Variants in PPP2R3A observed in about 807,000 individuals in gnomAD.
PPP2R3A encodes serine/threonine-protein phosphatase 2A regulatory subunit B'' subunit alpha.
Under a neutral mutation model 106.9 loss-of-function variants are expected in PPP2R3A, and 80 were observed. The ratio of observed to expected loss-of-function variants is 0.75; its 90% confidence interval spans 0.62 to 0.90. The LOEUF (loss-of-function observed/expected upper bound fraction) is 0.90. Ranked by LOEUF, PPP2R3A falls within the 40% of genes least tolerant of loss-of-function variation. PPP2R3A has a pLI of 0.00. For missense variants in PPP2R3A, 1,386 were observed against 1,350.4 expected, an observed-to-expected ratio of 1.03 and a Z score of -0.41; for synonymous variants, 483 against 468.3, an observed-to-expected ratio of 1.03 and a Z score of -0.41.
rs1457130602 is a variant in PPP2R3A, at chr3:136,001,599, C to A, written c.101C>A (p.Thr34Asn). The A allele has an allele frequency of 3.7e-6, 6 of 1,614,042 alleles. No individual in the cohort carries two copies. The highest frequency in any genetic ancestry group is 2.2e-5 in the East Asian group (1 of 44,900). The change falls in exon 2 of 14, where the codon ACC (threonine) becomes AAC (asparagine). Residue 34 changes from threonine to asparagine, a missense_variant. Thr to Asn is a moderately conservative substitution (Grantham distance 65). Transcript: ENST00000264977. ...CAAGCTATACATTATTGCACTGGAA[C>A]CTGCCACACCTTCACACATGGAATT... ...FEQAIHYCTG[T>N]CHTFTHGIDC... is the part of the protein sequence containing the mutation.
chr3:136,023,309 C>G lies in PPP2R3A; in HGVS notation c.1996-3523C>G, dbSNP rs868077608. ...CTAACTCACAAGTAATTTTACAGCTCCCTTGTATCTTGATATTAGATCAAG... is the reference window on the plus strand; with the variant it reads ...CTAACTCACAAGTAATTTTACAGCTGCCTTGTATCTTGATATTAGATCAAG... On this transcript the variant is annotated intron_variant, in intron 2 of 13. Transcript: ENST00000264977. 4.4e-6 allele frequency: 4 copies of G among 904,350 alleles called. No individual in the cohort carries two copies. In the African/African-American group the frequency reaches 6.8e-5, roughly 15 times the overall value. 56.0% of individuals were successfully genotyped at this position (904,350 alleles called of 1,614,324 possible). A position where few individuals can be genotyped will look rare whatever the true frequency, so the allele number is the denominator to read the frequency against.
At position 136,145,033 on chromosome 3, in the gene PPP2R3A, G is replaced by GTTAT; in HGVS notation, c.3330-7_3330-4dup. ...CAATCAGTTAATTCACTTTTGCTTT[G>GTTAT]TTATTTCAGCTTTGAAGATTATGAA... On this transcript the variant is annotated splice_polypyrimidine_tract_variant and intron_variant, in intron 13 of 13. Transcript: ENST00000264977. 6.3e-7 allele frequency: 1 copy of GTTAT among 1,584,016 alleles called. No homozygotes were observed. The highest frequency in any genetic ancestry group is 1.1e-5 in the South Asian group (1 of 87,402).
At chr3:136,082,911 G>C (rs866273802) in intron 8 of PPP2R3A, among the ~76,000 whole-genome samples, 3 of 152,166 alleles carry the variant, frequency 2.0e-5, no homozygotes, top group Non-Finnish European at 4.4e-5. Context: ...TGAATTTTGC[G>C]TGCTTTCTTT....
At position 136,083,204 on chromosome 3, in the gene PPP2R3A, A is replaced by T. The variant is rs1302745487; in HGVS notation, c.2788+783A>T. ...AATTTTTTTGTATTTTTTTGTAAAG[A>T]TGGTGGTATGGTTTGGCTATGTTCC... On this transcript the variant is annotated intron_variant, in intron 8 of 13. Transcript: ENST00000264977. Among the ~76,000 whole-genome samples, 5 of 152,000 alleles carry T rather than the reference A, an allele frequency of 3.3e-5. No homozygotes were observed. The East Asian group carries it at 9.6e-4, about 29-fold the overall frequency.
At chr3:136,042,017 T>C (rs1935305316) in intron 4 of PPP2R3A, among the ~76,000 whole-genome samples, 1 of 152,194 alleles carries the variant, frequency 6.6e-6, no homozygotes, top group African/African-American at 2.4e-5. Context: ...TCCTTCCTGG[T>C]AAACTATTGG....
chr3:136,094,108 A>T (rs1937160741), intron 10 of PPP2R3A, among the ~76,000 whole-genome samples: 1 of 152,244 alleles, frequency 6.6e-6, no homozygotes, highest in Non-Finnish European at 1.5e-5. Flanking sequence ...AAAAGATGCC[A>T]GTCACAAGAC....
intron 1 of PPP2R3A, among the ~76,000 whole-genome samples, chr3:135,985,396 CTCCCTCT>C (rs1334441510): frequency 1.3e-5 from 2 of 150,164 alleles, no homozygotes; most frequent in African/African-American, 4.9e-5. Context: ...CTCTCCCTCT[CTCCCTCT>C]CTCTCTCGCT....
chr3:136,117,533 A>G (rs565341432), intron 13 of PPP2R3A, among the ~76,000 whole-genome samples: 1 of 152,222 alleles, frequency 6.6e-6, no homozygotes, highest in East Asian at 1.9e-4. Context: ...GCAATAAAAA[A>G]TGATAAAGGG....
chr3:136,022,937 T>G (rs2107816588), intron 2 of PPP2R3A: 1 of 1,490,868 alleles, frequency 6.7e-7, no homozygotes, highest in South Asian at 1.3e-5. Context: ...GAGAGCACAA[T>G]GCTTGAATTT....
In PPP2R3A at chr3:136,139,280, C is replaced by T. The variant is rs374223239; in HGVS notation, c.3330-5763C>T. On this transcript the variant is annotated intron_variant, in intron 13 of 13. Coordinates refer to ENST00000264977, the MANE Select transcript of PPP2R3A (RefSeq NM_002718.5). ...CAGAGCCCGCCTTAATGCTTTTGCC[C>T]AGAAACTGCTCATCTGAAAGGGAAG... is the stretch of plus-strand genomic sequence containing the variant. Among the ~76,000 whole-genome samples the T allele has an allele frequency of 9.1e-4, 138 of 152,282 alleles. 1 individual carries two copies. The highest frequency in any genetic ancestry group is 3.1e-3 in the East Asian group (16 of 5,190).
chr3:136,007,448 C>T (rs1010414135), intron 2 of PPP2R3A, among the ~76,000 whole-genome samples: 9 of 152,142 alleles, frequency 5.9e-5, no homozygotes, highest in African/African-American at 2.2e-4. Flanking sequence ...AGTGCCTCAG[C>T]AAGACTCAAG....
At chr3:136,017,486 CA>C (rs1321103601) in intron 2 of PPP2R3A, among the ~76,000 whole-genome samples, 1 of 152,128 alleles carries the variant, frequency 6.6e-6, no homozygotes, top group Non-Finnish European at 1.5e-5. Context: ...GGGTTGTTTC[CA>C]CTTTTTGGCA....
intron 6 of PPP2R3A, among the ~76,000 whole-genome samples, chr3:136,077,313 A>G (rs1278265723): frequency 6.6e-6 from 1 of 152,206 alleles, no homozygotes; most frequent in African/African-American, 2.4e-5. Context: ...TGAAGAATCC[A>G]GAAAAGAAAG....
At chr3:136,138,208 C>G (rs895974317) in intron 13 of PPP2R3A, among the ~76,000 whole-genome samples, 2 of 152,070 alleles carry the variant, frequency 1.3e-5, no homozygotes, top group African/African-American at 4.8e-5. Flanking sequence ...TTGAACGAAC[C>G]ATATCAAAGC....
intron 1 of PPP2R3A, among the ~76,000 whole-genome samples, chr3:135,967,951 A>G (rs186576641): frequency 6.6e-6 from 1 of 152,310 alleles, no homozygotes; most frequent in African/African-American, 2.4e-5. Flanking sequence ...CACTCCACAC[A>G]CACAGTTGTG....
intron 1 of PPP2R3A, among the ~76,000 whole-genome samples, chr3:135,972,783 T>A (rs919074502): frequency 5.9e-5 from 9 of 152,218 alleles, no homozygotes; most frequent in African/African-American, 9.6e-5. Context: ...CTTTTATCAA[T>A]TTTTTAATTG....
In PPP2R3A at chr3:136,024,126, A is replaced by G. The variant is rs529921041; in HGVS notation, c.1996-2706A>G. ...AATGATACTGTGTTTATAGGGAAAGACAAATGGAGAATTGAAGTATTTTAC... is the reference window on the plus strand; with the variant it reads ...AATGATACTGTGTTTATAGGGAAAGGCAAATGGAGAATTGAAGTATTTTAC... On this transcript the variant is annotated intron_variant, in intron 2 of 13. Transcript: ENST00000264977. Among the ~76,000 whole-genome samples, 7 of 152,226 alleles carry G rather than the reference A, an allele frequency of 4.6e-5. No homozygotes were observed. In the East Asian group the frequency reaches 1.3e-3, roughly 29 times the overall value.
intron 1 of PPP2R3A, among the ~76,000 whole-genome samples, chr3:135,980,622 A>C (rs1412140367): frequency 6.6e-6 from 1 of 151,856 alleles, no homozygotes; most frequent in African/African-American, 2.4e-5. Context: ...TGGAACTTTA[A>C]GTATATAACC....
chr3:136,033,151 T>C (rs1023536456), intron 3 of PPP2R3A, among the ~76,000 whole-genome samples: 8 of 152,250 alleles, frequency 5.3e-5, no homozygotes, highest in Non-Finnish European at 1.0e-4. Flanking sequence ...TTTTGGTTTT[T>C]AATTCTGTTT....
Sources: gnomAD v4.1 joint callset for allele counts (sites outside exome capture counted in the v4.1 genomes callset) on GRCh38, gnomAD v4.1.1 for gene constraint, MANE v1.5 for transcripts, NCBI Gene and HGNC (gene_info 2026-07-23, HGNC 2026-07-21) for gene names.